The following ADAMTSL1 variants were observed in gnomAD, a reference collection of about 807,000 sequenced individuals.
ADAMTSL1 encodes the protein ADAMTS like 1.
Under a neutral mutation model 201.8 loss-of-function variants are expected in ADAMTSL1, and 126 were observed. The observed-to-expected ratio is 0.62, with a 90% CI of 0.54 to 0.72. ADAMTSL1 has a LOEUF of 0.72. Among genes scored for constraint, ADAMTSL1 ranks in the 30% least tolerant of loss-of-function variants. The pLI, the probability that ADAMTSL1 is intolerant of heterozygous loss-of-function variation, is 0.00. For synonymous variants in ADAMTSL1, 1,121 were observed against 903.4 expected, an observed-to-expected ratio of 1.24 and a Z score of -4.32; for missense variants, 2,679 against 2,277.8, an observed-to-expected ratio of 1.18 and a Z score of -3.59.
intron 2 of ADAMTSL1, among the ~76,000 whole-genome samples, chr9:18,428,893 T>G (rs1819355810): frequency 6.6e-6 from 1 of 152,192 alleles, no homozygotes; most frequent in South Asian, 2.1e-4. Context: ...GTTCAAAAAC[T>G]GAGCAGATTA....
chr9:18,480,764 T>A (rs1226586298), intron 1 of ADAMTSL1, among the ~76,000 whole-genome samples: 2 of 152,188 alleles, frequency 1.3e-5, no homozygotes, highest in African/African-American at 4.8e-5. Context: ...ATCTTTGCGG[T>A]TTGCAATTTA....
intron 2 of ADAMTSL1, 48 bp downstream of exon 2, chr9:18,505,004 G>T (rs374230656): frequency 6.4e-6 from 10 of 1,566,878 alleles, no homozygotes; most frequent in Non-Finnish European, 8.6e-6. Flanking sequence ...AGAGGTAGCC[G>T]GTTTGAGGCA....
Position 18,390,448 on chromosome 9 carries a change from G to T in ADAMTSL1, c.208-114381G>T, listed in dbSNP as rs545935336. Among the ~76,000 whole-genome samples, 5 of 152,308 alleles carry T rather than the reference G, an allele frequency of 3.3e-5. No homozygotes were observed. The East Asian group carries it at 9.7e-4, about 29-fold the overall frequency. On this transcript the variant is annotated intron_variant, in intron 2 of 29. Coordinates refer to the ADAMTSL1 transcript ENST00000680146. ...TTGAGTTCTAAACTGAAGGGAATTT[G>T]TTGGAATGTCTTTCAGGCAACCCAA... is the stretch of plus-strand genomic sequence containing the variant.
intron 1 of ADAMTSL1, among the ~76,000 whole-genome samples, chr9:18,127,633 G>A (rs1415027862): frequency 1.3e-5 from 2 of 152,148 alleles, no homozygotes; most frequent in African/African-American, 4.8e-5. Context: ...TTGGCAGGCT[G>A]CATGTGGAAA....
chr9:18,600,771 A>G (rs1036097420), intron 4 of ADAMTSL1, among the ~76,000 whole-genome samples: 2 of 152,350 alleles, frequency 1.3e-5, no homozygotes, highest in Admixed American at 6.5e-5. Context: ...CATTTGAGGT[A>G]AAGAGCAACT....
Position 18,003,303 on chromosome 9 carries a change from C to G in ADAMTSL1, c.87+96381C>G, listed in dbSNP as rs1373996060. Among the ~76,000 whole-genome samples, 6 of 151,970 alleles carry G rather than the reference C, an allele frequency of 3.9e-5. 1 individual carries two copies. The South Asian group carries it at 1.2e-3, about 32-fold the overall frequency. ...AAGCAGCATGAGAGTAAACAAAAAT[C>G]TGATTCACCCAAGGGTTGTTCTACA... On this transcript the variant is annotated intron_variant, in intron 1 of 29. Coordinates refer to the ADAMTSL1 transcript ENST00000680146.
At chr9:18,079,153 A>G (rs1440321663) in intron 1 of ADAMTSL1, among the ~76,000 whole-genome samples, 5 of 152,148 alleles carry the variant, frequency 3.3e-5, no homozygotes, top group African/African-American at 9.7e-5. Context: ...TACTAGGCTC[A>G]TTGTCTAGCA....
chr9:18,136,616 G>A (rs1427244917), intron 1 of ADAMTSL1, among the ~76,000 whole-genome samples: 2 of 151,990 alleles, frequency 1.3e-5, no homozygotes, highest in Non-Finnish European at 2.9e-5. Flanking sequence ...TCACAGAGAG[G>A]ATAAGATTTA....
At chr9:18,818,136 A>T (rs1823978901) in intron 21 of ADAMTSL1, among the ~76,000 whole-genome samples, 1 of 152,188 alleles carries the variant, frequency 6.6e-6, no homozygotes, top group Admixed American at 6.5e-5. Context: ...CTCATTTGTC[A>T]TGTGTGCCCT....
intron 2 of ADAMTSL1, among the ~76,000 whole-genome samples, chr9:18,297,348 C>G (rs544590420): frequency 1.3e-5 from 2 of 151,728 alleles, no homozygotes; most frequent in African/African-American, 4.8e-5. Context: ...CACCAACTAA[C>G]TTTTTTCTTT....
chr9:18,837,855 A>G (rs753162141), intron 23 of ADAMTSL1, among the ~76,000 whole-genome samples: 9 of 151,990 alleles, frequency 5.9e-5, no homozygotes, highest in Non-Finnish European at 1.2e-4. Flanking sequence ...CGGTCCCTCT[A>G]CCTTATTATT....
chr9:17,963,435 A>G (rs1817840149), intron 1 of ADAMTSL1, among the ~76,000 whole-genome samples: 1 of 152,196 alleles, frequency 6.6e-6, no homozygotes, highest in African/African-American at 2.4e-5. Context: ...AGAAAGAGCT[A>G]TTTAAAGAAA....
At chr9:18,463,848 A>C (rs758580813) in intron 2 of ADAMTSL1, among the ~76,000 whole-genome samples, 1 of 152,112 alleles carries the variant, frequency 6.6e-6, no homozygotes, top group African/African-American at 2.4e-5. Context: ...TTGAATCTCT[A>C]CTTTCATTTC....
intron 1 of ADAMTSL1, among the ~76,000 whole-genome samples, chr9:18,134,166 A>G (rs1826062444): frequency 6.6e-6 from 1 of 152,122 alleles, no homozygotes; most frequent in African/African-American, 2.4e-5. Flanking sequence ...AACTCCACAT[A>G]TGGAAGTATG....
At chr9:18,350,980 T>C (rs921567841) in intron 2 of ADAMTSL1, among the ~76,000 whole-genome samples, 28 of 152,200 alleles carry the variant, frequency 1.8e-4, no homozygotes, top group African/African-American at 6.0e-4. Context: ...ATTTCTTATA[T>C]GGAGCTTTTA....
intron 13 of ADAMTSL1, among the ~76,000 whole-genome samples, chr9:18,690,116 A>G (rs565741509): frequency 8.5e-5 from 13 of 152,368 alleles, no homozygotes; most frequent in Non-Finnish European, 1.9e-4. Context: ...AATTCCTGTC[A>G]TGCATCTGTG....
intron 2 of ADAMTSL1, among the ~76,000 whole-genome samples, chr9:18,326,352 A>G (rs1265028005): frequency 6.6e-6 from 1 of 151,986 alleles, no homozygotes; most frequent in Non-Finnish European, 1.5e-5. Context: ...TGTGGTGGTG[A>G]TGTGGATGTA....
At chr9:18,129,429 G>A (rs895381833) in intron 1 of ADAMTSL1, among the ~76,000 whole-genome samples, 4 of 152,140 alleles carry the variant, frequency 2.6e-5, no homozygotes, top group Admixed American at 6.5e-5. Context: ...CCAAGTTGAA[G>A]CTGGATACAA....
intron 20 of ADAMTSL1, among the ~76,000 whole-genome samples, chr9:18,807,470 C>A (rs1042589057): frequency 1.3e-5 from 2 of 151,994 alleles, no homozygotes; most frequent in Non-Finnish European, 2.9e-5. Context: ...CGGTGAAACC[C>A]CGTCTCTACT....
Sources: allele counts gnomAD v4.1 joint callset (sites outside exome capture counted in the v4.1 genomes callset), GRCh38; gene constraint gnomAD v4.1.1; transcripts MANE v1.5; gene names NCBI Gene and HGNC (gene_info 2026-07-23, HGNC 2026-07-21).